Variants in SCRT1 observed in about 807,000 individuals in gnomAD.
SCRT1 encodes the protein scratch family transcriptional repressor 1.
SCRT1 carries 1 observed loss-of-function variant against 3.4 expected under a neutral mutation model. The ratio of observed to expected loss-of-function variants is 0.29; its 90% confidence interval spans 0.10 to 1.39. The LOEUF is 1.39. Among genes scored for constraint, SCRT1 ranks in the 40% most tolerant of loss-of-function variants. SCRT1 has a pLI of 0.42. For missense variants in SCRT1, 380 were observed against 526.3 expected (o/e 0.72, Z 2.72); for synonymous variants, 238 against 247.0 (o/e 0.96, Z 0.34).
rs782354109 is a variant in SCRT1 at position 144,333,273 on chromosome 8, T to C, written c.959A>G (p.Asn320Ser). 8.7e-6 allele frequency: 14 copies of C among 1,611,950 alleles called. No homozygotes were observed. The highest frequency in any genetic ancestry group is 1.1e-5 in the Non-Finnish European group (13 of 1,179,538). Residue 320 changes from asparagine (N) to serine (S), a missense_variant, in exon 2 of 2, where the codon AAC (asparagine) becomes AGC (serine). Physicochemically the swap from Asn to Ser is conservative, Grantham distance 46. This residue lies in a region of SCRT1 where 67 missense variants were observed against 64.7 expected (regional missense o/e 1.04). Coordinates refer to ENST00000569446, the MANE Select transcript of SCRT1 (RefSeq NM_031309.6). ...KKSFALKSYL[N>S]KHYESACFKG... ...GAAGCAGGCCGACTCGTAGTGCTTG[T>C]TGAGATAGGACTTGAGCGCGAAGCT...
rs1233564969 is a variant in SCRT1 at position 144,332,132 on chromosome 8, G to C, written c.*1053C>G. The C allele has an allele frequency of 2.6e-5, 4 of 152,166 alleles. No homozygotes were observed. The highest frequency in any genetic ancestry group is 5.9e-5 in the Non-Finnish European group (4 of 68,008). 9.4% of individuals were successfully genotyped at this position (152,166 alleles called of 1,614,324 possible). On this transcript the variant is annotated 3_prime_UTR_variant, in exon 2 of 2. Transcript: ENST00000569446. ...TCCCTAGAGGCTCCCAGCTAGGGGC[G>C]GGCCTCGGGGCGTGGAAAGTAATCC...
rs1162044643 is a variant in SCRT1, at chr8:144,334,181, T to TG, written c.116-66dup. On this transcript the variant is annotated intron_variant, in intron 1 of 1. Transcript: ENST00000569446. The stretch of plus-strand genomic sequence containing the variant: ...GCGGCGGCAGGACACACACGGGGGA[T>TG]GGGGGGGCGGGAGACAGCAGACGCG... 48 of 18,640 alleles carry TG rather than the reference T, an allele frequency of 2.6e-3. 1 individual carries two copies. Among genetic ancestry groups the TG allele is most frequent in the African/African-American group, 0.016 (22 of 1,402 alleles). 1.2% of individuals were successfully genotyped at this position (18,640 alleles called of 1,614,324 possible).
At chr8:144,334,227 GGA>G (rs1817851703) in intron 1 of SCRT1, 111 bp from the exon 2 acceptor site, 3 of 821,790 alleles carry the variant, frequency 3.7e-6, no homozygotes, top group Non-Finnish European at 5.6e-6. Flanking sequence ...CCCGGGTCCG[GGA>G]GAGAGGCGAA....
Position 144,333,219 on chromosome 8 carries a change from G to A in SCRT1, c.1013C>T (p.Pro338Leu), listed in dbSNP as rs1817821472. The change falls in exon 2 of 2, where the codon CCT becomes CTT. Residue 338 changes from proline (P) to leucine (L), a missense_variant. Pro to Leu is a moderately conservative substitution (Grantham distance 98). Coordinates refer to ENST00000569446, the MANE Select transcript of SCRT1 (RefSeq NM_031309.6). ...FKGGAGGPAA[P>L]APPQLSPVQA ...CACAGGGCTGAGCTGTGGCGGCGCA[G>A]GAGCCGCGGGGCCTCCGGCGCCGCC... is the stretch of plus-strand genomic sequence containing the variant. 1.3e-6 allele frequency: 2 copies of A among 1,586,904 alleles called. No homozygotes were observed. Among genetic ancestry groups the A allele is most frequent in the African/African-American group, 1.3e-5 (1 of 74,686 alleles).
Position 144,330,581 on chromosome 8 carries a change from A to T in SCRT1, c.*2604T>A, listed in dbSNP as rs1817713785. Reference sequence around the variant, plus strand: ...CACTCCAAATTCTATCAAGAGTGGCATTTATTCTCCTTGTGGAGGTGCGGT... The same window carrying T: ...CACTCCAAATTCTATCAAGAGTGGCTTTTATTCTCCTTGTGGAGGTGCGGT... On this transcript the variant is annotated 3_prime_UTR_variant, in exon 2 of 2. Coordinates refer to ENST00000569446, the MANE Select transcript of SCRT1 (RefSeq NM_031309.6). 6.6e-6 allele frequency: 1 copy of T among 152,264 alleles called. No individual in the cohort carries two copies. The allele number at this position is 152,264 out of a possible 1,614,324, so 9.4% of individuals were successfully genotyped here.
Position 144,333,792 on chromosome 8 carries a change from C to G in SCRT1, c.440G>C (p.Gly147Ala). The G allele has an allele frequency of 8.3e-7, 1 of 1,212,072 alleles. No homozygotes were observed. The highest frequency in any genetic ancestry group is 1.0e-6 in the Non-Finnish European group (1 of 975,848). 75.1% of individuals were successfully genotyped at this position (1,212,072 alleles called of 1,614,324 possible). The change falls in exon 2 of 2, where the codon GGC becomes GCC. Residue 147 changes from glycine (G) to alanine (A), a missense_variant. By Grantham distance (60) the Gly-to-Ala change is moderately conservative. Transcript: ENST00000569446. ...PSTASAAAPD[G>A]DAGGGGGAGG... ...CGCCCCGCCCCCGCCTCCGGCGTCG[C>G]CGTCGGGGGCCGCCGCCGAGGCTGT... is the stretch of plus-strand genomic sequence containing the variant.
rs1458320493 is a variant in SCRT1, at chr8:144,332,289, C to G, written c.*896G>C. 2.0e-5 allele frequency: 3 copies of G among 152,214 alleles called. No individual in the cohort carries two copies. Among genetic ancestry groups the G allele is most frequent in the East Asian group, 2.0e-4 (1 of 5,108 alleles). The allele number at this position is 152,214 out of a possible 1,614,324, so 9.4% of individuals were successfully genotyped here. On this transcript the variant is annotated 3_prime_UTR_variant, in exon 2 of 2. Coordinates refer to ENST00000569446, the MANE Select transcript of SCRT1 (RefSeq NM_031309.6). ...GAAACCCGACGCGTCCGCAACCCCC[C>G]CAGGGGGCTTTACCCGCAAAGCGAA...
Position 144,332,832 on chromosome 8 carries a change from C to T in SCRT1, c.*353G>A, listed in dbSNP as rs1458176854. The T allele has an allele frequency of 1.8e-5, 4 of 221,940 alleles. No individual in the cohort carries two copies. Among genetic ancestry groups the T allele is most frequent in the Non-Finnish European group, 3.5e-5 (4 of 113,356 alleles). The allele number at this position is 221,940 out of a possible 1,614,324, so 13.7% of individuals were successfully genotyped here. A position where few individuals can be genotyped will look rare whatever the true frequency, so the allele number is the denominator to read the frequency against. On this transcript the variant is annotated 3_prime_UTR_variant, in exon 2 of 2. Coordinates refer to ENST00000569446, the MANE Select transcript of SCRT1 (RefSeq NM_031309.6). ...GAGTCCCTGCGACGCGATCCAGGGGCGCAGAGGCGGGAGAAGGAGGGCGCT... is the reference window on the plus strand; with the variant it reads ...GAGTCCCTGCGACGCGATCCAGGGGTGCAGAGGCGGGAGAAGGAGGGCGCT...
rs1817868569 is a variant in SCRT1, at chr8:144,335,165, C to T, written c.115+890G>A. On this transcript the variant is annotated intron_variant, in intron 1 of 1. Coordinates refer to ENST00000569446, the MANE Select transcript of SCRT1 (RefSeq NM_031309.6). The surrounding 1 kb of genome is among the most constrained non-coding windows in gnomAD (Gnocchi z 7.7). ...TGATGTGCCGAACTCACCACCTCCT[C>T]ACTCACGCAGGGTCACACATGCAGT... Among the ~76,000 whole-genome samples the T allele has an allele frequency of 6.6e-6, 1 of 152,232 alleles. No homozygotes were observed. The highest frequency in any genetic ancestry group is 2.4e-5 in the African/African-American group (1 of 41,454).
At position 144,332,716 on chromosome 8, in the gene SCRT1, C is replaced by T. The variant is rs1009407797; in HGVS notation, c.*469G>A. On this transcript the variant is annotated 3_prime_UTR_variant, in exon 2 of 2. Transcript: ENST00000569446. ...TGCAGGCCCGCCCGCTCCTGCTCCGCCCCGGCCTGCTGCCGGGGAGGGGCC... is the reference window on the plus strand; with the variant it reads ...TGCAGGCCCGCCCGCTCCTGCTCCGTCCCGGCCTGCTGCCGGGGAGGGGCC... The T allele has an allele frequency of 6.5e-6, 1 of 154,052 alleles. No individual in the cohort carries two copies. The highest frequency in any genetic ancestry group is 2.4e-5 in the African/African-American group (1 of 41,458). The allele number at this position is 154,052 out of a possible 1,614,324, so 9.5% of individuals were successfully genotyped here. A position where few individuals can be genotyped will look rare whatever the true frequency, so the allele number is the denominator to read the frequency against.
At position 144,335,194 on chromosome 8, in the gene SCRT1, C is replaced by T. The variant is rs782767144; in HGVS notation, c.115+861G>A. Among the ~76,000 whole-genome samples the T allele has an allele frequency of 6.6e-6, 1 of 152,164 alleles. No homozygotes were observed. Among genetic ancestry groups the T allele is most frequent in the Non-Finnish European group, 1.5e-5 (1 of 68,036 alleles). On this transcript the variant is annotated intron_variant, in intron 1 of 1. Coordinates refer to ENST00000569446, the MANE Select transcript of SCRT1 (RefSeq NM_031309.6). The surrounding 1 kb of genome is among the most constrained non-coding windows in gnomAD (Gnocchi z 7.7). The stretch of plus-strand genomic sequence containing the variant: ...CACGCAGGGTCACACATGCAGTCAC[C>T]CCGGACACACTCTCAAGTCACATGG...
chr8:144,334,131 G>A lies in SCRT1; in HGVS notation c.116-15C>T. 1.3e-6 allele frequency: 2 copies of A among 1,517,084 alleles called. No homozygotes were observed. The highest frequency in any genetic ancestry group is 2.0e-5 in the Admixed American group (1 of 48,930). The allele number at this position is 1,517,084 out of a possible 1,614,324, so 94.0% of individuals were successfully genotyped here. A position where few individuals can be genotyped will look rare whatever the true frequency, so the allele number is the denominator to read the frequency against. Reference sequence around the variant, plus strand: ...GCTGAGGTACCCTGCGGGCGGAGGCGGACGGACAGCGGGAAGGGAATGGGG... The same window carrying A: ...GCTGAGGTACCCTGCGGGCGGAGGCAGACGGACAGCGGGAAGGGAATGGGG... On this transcript the variant is annotated splice_polypyrimidine_tract_variant and intron_variant, in intron 1 of 1. Coordinates refer to ENST00000569446, the MANE Select transcript of SCRT1 (RefSeq NM_031309.6).
chr8:144,336,050 C>T lies in SCRT1; in HGVS notation c.115+5G>A. ...CCCGCGCCCTGGTCTCAGACCAGCG[C>T]TCACCTTTATCGTGCAGTGGCGCGC... is the stretch of plus-strand genomic sequence containing the variant. On this transcript the variant is annotated splice_donor_5th_base_variant and intron_variant, in intron 1 of 1. Transcript: ENST00000569446. This position sits in a 1 kb window ranked among gnomAD's most constrained non-coding sequence, Gnocchi z 6.8. 6.3e-7 allele frequency: 1 copy of T among 1,583,782 alleles called. No homozygotes were observed. The highest frequency in any genetic ancestry group is 8.6e-7 in the Non-Finnish European group (1 of 1,163,480).
Position 144,333,614 on chromosome 8 carries a change from C to G in SCRT1, c.618G>C (p.Leu206=). ...CGKTYATSSN[L]SRHKQTHRSL... ...TGCGGTGCGTCTGCTTGTGGCGGCT[C>G]AGGTTCGACGACGTGGCGTATGTTT... Residue 206 remains leucine (L), a synonymous_variant, in exon 2 of 2, where the codon CTG becomes CTC. Coordinates refer to ENST00000569446, the MANE Select transcript of SCRT1 (RefSeq NM_031309.6). 6 of 1,608,300 alleles carry G rather than the reference C, an allele frequency of 3.7e-6. No homozygotes were observed. The highest frequency in any genetic ancestry group is 5.1e-6 in the Non-Finnish European group (6 of 1,178,882).
rs1817889232 is a variant in SCRT1 at position 144,336,354 on chromosome 8, C to G, written c.-185G>C. 1.9e-6 allele frequency: 1 copy of G among 524,644 alleles called. No individual in the cohort carries two copies. The highest frequency in any genetic ancestry group is 3.4e-6 in the Non-Finnish European group (1 of 293,376). The allele number at this position is 524,644 out of a possible 1,614,324, so 32.5% of individuals were successfully genotyped here. A position where few individuals can be genotyped will look rare whatever the true frequency, so the allele number is the denominator to read the frequency against. On this transcript the variant is annotated 5_prime_UTR_variant, in exon 1 of 2. Transcript: ENST00000569446. This position sits in a 1 kb window ranked among gnomAD's most constrained non-coding sequence, Gnocchi z 6.8. ...GCCCTGCGTCTCCTCCGTTGCCCCT[C>G]CGGATCCCTCTTCTTCCTCCTTCCT...
chr8:144,332,237 T>C lies in SCRT1; in HGVS notation c.*948A>G, dbSNP rs1453636707. The C allele has an allele frequency of 1.3e-5, 2 of 152,392 alleles. No homozygotes were observed. The highest frequency in any genetic ancestry group is 4.1e-4 in the South Asian group (2 of 4,828). The allele number at this position is 152,392 out of a possible 1,614,324, so 9.4% of individuals were successfully genotyped here. Reference sequence around the variant, plus strand: ...CCCTGACCCGAGTGCAATCCGTTCATAAATAAAACGTACAAATACAGAAAA... The same window carrying C: ...CCCTGACCCGAGTGCAATCCGTTCACAAATAAAACGTACAAATACAGAAAA... On this transcript the variant is annotated 3_prime_UTR_variant, in exon 2 of 2. Coordinates refer to ENST00000569446, the MANE Select transcript of SCRT1 (RefSeq NM_031309.6).
rs1554850047 is a variant in SCRT1 at position 144,334,066 on chromosome 8, C to T, written c.166G>A (p.Glu56Lys). The T allele has an allele frequency of 1.3e-6, 2 of 1,537,302 alleles. No homozygotes were observed. The highest frequency in any genetic ancestry group is 2.8e-5 in the African/African-American group (2 of 72,402). ...GPSSVYDGDA[E>K]AALLKGPSPE... The stretch of plus-strand genomic sequence containing the variant: ...GACGGCCCTTTGAGCAGCGCAGCCT[C>T]GGCGTCGCCATCGTAGACGGACGAG... The change falls in exon 2 of 2, where the codon GAG becomes AAG. Residue 56 changes from glutamate (E) to lysine (K), a missense_variant. Glu to Lys is a moderately conservative substitution (Grantham distance 56). Transcript: ENST00000569446.
rs1360613046 is a variant in SCRT1 at position 144,335,915 on chromosome 8, G to T, written c.115+140C>A. On this transcript the variant is annotated intron_variant, in intron 1 of 1. Transcript: ENST00000569446. This position sits in a 1 kb window ranked among gnomAD's most constrained non-coding sequence, Gnocchi z 7.7. ...CCCCTTCCTCCCCTCTACCGTCCAG[G>T]CTCCAGCCACAGACTCTTGCCGTTT... 4 of 600,864 alleles carry T rather than the reference G, an allele frequency of 6.7e-6. No individual in the cohort carries two copies. Among genetic ancestry groups the T allele is most frequent in the African/African-American group, 1.9e-5 (1 of 51,564 alleles). 37.2% of individuals were successfully genotyped at this position (600,864 alleles called of 1,614,324 possible).
rs545725658 is a variant in SCRT1 at position 144,333,246 on chromosome 8, T to C, written c.986A>G (p.Lys329Arg). ...AGCCGCGGGGCCTCCGGCGCCGCCC[T>C]TGAAGCAGGCCGACTCGTAGTGCTT... ...LNKHYESACF[K>R]GGAGGPAAPA... The change falls in exon 2 of 2, where the codon AAG becomes AGG. Residue 329 changes from lysine to arginine, a missense_variant. Transcript: ENST00000569446. The C allele has an allele frequency of 3.2e-5, 51 of 1,608,044 alleles. No homozygotes were observed. The highest frequency in any genetic ancestry group is 1.3e-5 in the African/African-American group (1 of 75,006).
Sources: gnomAD v4.1 joint callset for allele counts (sites outside exome capture counted in the v4.1 genomes callset) on GRCh38, gnomAD v4.1.1 for gene constraint, gnomAD v4.1.1 regional missense constraint, Gnocchi (gnomAD v3.1) non-coding constraint, MANE v1.5 for transcripts, NCBI Gene and HGNC (gene_info 2026-07-23, HGNC 2026-07-21) for gene names.